The following SLC9A9 variants were observed in gnomAD, a reference collection of about 807,000 sequenced individuals.
The protein encoded by SLC9A9 is solute carrier family 9 member A9.
A neutral mutation model predicts 77.8 loss-of-function variants in SLC9A9; 62 were observed. The observed-to-expected ratio is 0.80, with a 90% CI of 0.65 to 0.98. The LOEUF (loss-of-function observed/expected upper bound fraction) is 0.98. SLC9A9 is among the 50% of genes least tolerant of loss of function. The pLI is 0.00. For missense variants in SLC9A9, 775 were observed against 774.9 expected, an observed-to-expected ratio of 1.00 and a Z score of 0.00; for synonymous variants, 320 against 283.5, an observed-to-expected ratio of 1.13 and a Z score of -1.29.
intron 8 of SLC9A9, among the ~76,000 whole-genome samples, chr3:143,558,369 A>C (rs2037024378): frequency 6.6e-6 from 1 of 152,112 alleles, no homozygotes; most frequent in Non-Finnish European, 1.5e-5. Flanking sequence ...TAGACCCCAG[A>C]ATTGTAGATC....
chr3:143,704,261 G>A (rs903424886), intron 4 of SLC9A9, among the ~76,000 whole-genome samples: 4 of 151,962 alleles, frequency 2.6e-5, no homozygotes, highest in Admixed American at 6.5e-5. Flanking sequence ...ACCAGACAAC[G>A]ACACATCAAA....
intron 12 of SLC9A9, among the ~76,000 whole-genome samples, chr3:143,391,561 A>C (rs2033566828): frequency 6.6e-6 from 1 of 152,254 alleles, no homozygotes; most frequent in South Asian, 2.1e-4. Context: ...CCTCCAAAGG[A>C]ACACAGCTCC....
intron 7 of SLC9A9, among the ~76,000 whole-genome samples, chr3:143,575,945 A>G (rs727115): frequency 0.31 from 46,532 of 151,874 alleles, 7,488 homozygotes; most frequent in African/African-American, 0.42. Flanking sequence ...CTGCACGATC[A>G]ATGTCACCAC....
At chr3:143,816,616 GTA>G (rs869225009) in intron 2 of SLC9A9, among the ~76,000 whole-genome samples, 1 of 152,196 alleles carries the variant, frequency 6.6e-6, no homozygotes, top group East Asian at 1.9e-4. Context: ...ATGCTGCAAT[GTA>G]TATTCTTGTA....
At chr3:143,591,679 T>A (rs913364103) in intron 6 of SLC9A9, among the ~76,000 whole-genome samples, 2 of 152,204 alleles carry the variant, frequency 1.3e-5, no homozygotes. Flanking sequence ...AGAGGCTAGA[T>A]ATAAGGATGA....
At chr3:143,533,698 A>G (rs1301679582) in intron 9 of SLC9A9, among the ~76,000 whole-genome samples, 2 of 152,204 alleles carry the variant, frequency 1.3e-5, no homozygotes, top group East Asian at 3.8e-4. Context: ...TGAGAAAGAG[A>G]GAGAAAGAAT....
intron 14 of SLC9A9, among the ~76,000 whole-genome samples, chr3:143,318,325 A>G (rs900526374): frequency 2.0e-5 from 3 of 152,252 alleles, no homozygotes; most frequent in Non-Finnish European, 4.4e-5. Context: ...TCATTCCTGC[A>G]ATCTTTAAAA....
intron 9 of SLC9A9, 36 bp downstream of exon 9, chr3:143,552,324 GAA>G (rs1169927237): frequency 6.7e-7 from 1 of 1,490,070 alleles, no homozygotes; most frequent in Non-Finnish European, 9.3e-7. Context: ...ATTTCACTGA[GAA>G]AAGAGACCAA....
chr3:143,289,402 A>G (rs1938472547), intron 14 of SLC9A9, among the ~76,000 whole-genome samples: 1 of 152,142 alleles, frequency 6.6e-6, no homozygotes, highest in Non-Finnish European at 1.5e-5. Context: ...CCAGCCCTGA[A>G]GCTCTGGCGA....
chr3:143,524,719 T>C (rs573249450), intron 9 of SLC9A9, among the ~76,000 whole-genome samples: 6 of 152,344 alleles, frequency 3.9e-5, no homozygotes, highest in East Asian at 3.9e-4. Flanking sequence ...CTAAAACTTA[T>C]GTTGAGACTT....
At chr3:143,596,046 T>A (rs755227757) in intron 6 of SLC9A9, among the ~76,000 whole-genome samples, 5 of 152,172 alleles carry the variant, frequency 3.3e-5, no homozygotes, top group Non-Finnish European at 7.3e-5. Flanking sequence ...ATGTTTCCTA[T>A]AGCCTAGGGC....
At chr3:143,385,006 AG>A (rs1266742481) in intron 12 of SLC9A9, among the ~76,000 whole-genome samples, 7 of 152,198 alleles carry the variant, frequency 4.6e-5, no homozygotes. Flanking sequence ...ATAGTGTGTA[AG>A]GGGGATATTC....
intron 12 of SLC9A9, among the ~76,000 whole-genome samples, chr3:143,397,933 A>G (rs2033766233): frequency 6.6e-6 from 1 of 152,218 alleles, no homozygotes; most frequent in South Asian, 2.1e-4. Context: ...CCTCTATGCA[A>G]TAATCCAGAA....
intron 6 of SLC9A9, among the ~76,000 whole-genome samples, chr3:143,600,686 G>A (rs1408626185): frequency 6.6e-6 from 1 of 152,180 alleles, no homozygotes; most frequent in Non-Finnish European, 1.5e-5. Context: ...ATGTTGGTCA[G>A]CAACCATGGC....
rs1427549304 is a variant in SLC9A9 at position 143,606,434 on chromosome 3, C to CTATA, written c.756-27712_756-27711insTATA. ...TCTCTCTCTCTCTCTCTCTCTCTCT[C>CTATA]TCTATATATATATATATATATATAT... is the stretch of plus-strand genomic sequence containing the variant. On this transcript the variant is annotated intron_variant, in intron 6 of 15. Transcript: ENST00000316549. 8.0e-3 allele frequency among the ~76,000 whole-genome samples: 424 copies of CTATA among 52,900 alleles called. 1 individual carries two copies. The highest frequency in any genetic ancestry group is 9.9e-3 in the South Asian group (14 of 1,416). 34.7% of individuals were successfully genotyped at this position (52,900 alleles called of 152,430 possible). A position where few individuals can be genotyped will look rare whatever the true frequency, so the allele number is the denominator to read the frequency against.
In SLC9A9 at chr3:143,842,626, G is replaced by A. The variant is rs1011403106; in HGVS notation, c.175+5522C>T. On this transcript the variant is annotated intron_variant, in intron 1 of 15. Coordinates refer to ENST00000316549, the MANE Select transcript of SLC9A9 (RefSeq NM_173653.4). ...GCAGATCCCTTAAAATTAAACCAGA[G>A]CTACTCTTGTTTTCATAAAAAATGC... is the stretch of plus-strand genomic sequence containing the variant. 9.2e-5 allele frequency among the ~76,000 whole-genome samples: 14 copies of A among 152,256 alleles called. No individual in the cohort carries two copies. The South Asian group carries it at 1.4e-3, about 16-fold the overall frequency.
intron 8 of SLC9A9, among the ~76,000 whole-genome samples, chr3:143,567,719 C>T (rs1337706271): frequency 6.6e-6 from 1 of 152,130 alleles, no homozygotes; most frequent in East Asian, 1.9e-4. Context: ...TGATCATCAT[C>T]AAATTAGTAA....
intron 1 of SLC9A9, among the ~76,000 whole-genome samples, chr3:143,845,105 A>G (rs2009804620): frequency 6.6e-6 from 1 of 152,086 alleles, no homozygotes; most frequent in Non-Finnish European, 1.5e-5. Flanking sequence ...AAATTATTGC[A>G]ATAATTTACT....
At chr3:143,351,445 C>T (rs1041706584) in intron 14 of SLC9A9, among the ~76,000 whole-genome samples, 2 of 152,182 alleles carry the variant, frequency 1.3e-5, no homozygotes, top group Admixed American at 6.5e-5. Flanking sequence ...AACAGGAACA[C>T]AAACAGTTCT....
Sources: allele counts gnomAD v4.1 joint callset (sites outside exome capture counted in the v4.1 genomes callset), GRCh38; gene constraint gnomAD v4.1.1; transcripts MANE v1.5; gene names NCBI Gene and HGNC (gene_info 2026-07-23, HGNC 2026-07-21).